Variants in DMXL1 observed in about 807,000 individuals in gnomAD.
DMXL1 encodes the protein Dmx like 1.
In DMXL1, 99 loss-of-function variants were observed where a neutral mutation model predicts 319.2. The observed-to-expected ratio is 0.31, with a 90% CI of 0.26 to 0.37. The LOEUF (loss-of-function observed/expected upper bound fraction) is 0.37. Ranked by LOEUF, DMXL1 falls within the 10% of genes least tolerant of loss-of-function variation. The pLI, the probability that DMXL1 is intolerant of heterozygous loss-of-function variation, is 1.00. For missense variants in DMXL1, 3,745 were observed against 3,595.6 expected, an observed-to-expected ratio of 1.04 and a Z score of -1.06; for synonymous variants, 1,385 against 1,235.2, an observed-to-expected ratio of 1.12 and a Z score of -2.54.
At chr5:119,076,681 C>A (rs1323616308) in intron 1 of DMXL1, among the ~76,000 whole-genome samples, 1 of 152,098 alleles carries the variant, frequency 6.6e-6, no homozygotes, top group Non-Finnish European at 1.5e-5. Context: ...AAACCTATGT[C>A]ATTTAAATAG....
Position 119,077,656 on chromosome 5 carries a change from A to G in DMXL1, c.87+6000A>G, listed in dbSNP as rs528081591. Among the ~76,000 whole-genome samples, 609 of 104,348 alleles carry G rather than the reference A, an allele frequency of 5.8e-3. 8 individuals are homozygous for G. Among genetic ancestry groups the G allele is most frequent in the African/African-American group, 0.024 (576 of 24,150 alleles). The allele number at this position is 104,348 out of a possible 152,430, so 68.5% of individuals were successfully genotyped here. On this transcript the variant is annotated intron_variant, in intron 1 of 43. Transcript: ENST00000539542. The stretch of plus-strand genomic sequence containing the variant: ...TGGCTTTTTTTTTTTTTTTTTGTAT[A>G]TGTGTGTGTGTATATATATGTGTGT...
chr5:119,119,700 G>A (rs1200693782), intron 8 of DMXL1, among the ~76,000 whole-genome samples: 1 of 151,940 alleles, frequency 6.6e-6, no homozygotes, highest in Admixed American at 6.6e-5. Flanking sequence ...AGTAGGGAGA[G>A]GGCTTTACCA....
chr5:119,176,585 C>G (rs1188033854), intron 26 of DMXL1, among the ~76,000 whole-genome samples: 1 of 151,896 alleles, frequency 6.6e-6, no homozygotes, highest in Non-Finnish European at 1.5e-5. Flanking sequence ...GCAAGGGAAA[C>G]TACAAAGGCA....
intron 1 of DMXL1, among the ~76,000 whole-genome samples, chr5:119,081,209 G>C (rs986385605): frequency 2.6e-5 from 4 of 152,148 alleles, no homozygotes; most frequent in African/African-American, 9.7e-5. Flanking sequence ...GCAAGGCAAA[G>C]AAGACAGCTG....
chr5:119,218,981 G>T (rs934901687), intron 35 of DMXL1, among the ~76,000 whole-genome samples: 34 of 152,178 alleles, frequency 2.2e-4, no homozygotes, highest in African/African-American at 8.2e-4. Flanking sequence ...TTTGAGGCAG[G>T]CAGTGGATTG....
At chr5:119,241,966 C>A (rs1352884971) in intron 42 of DMXL1, among the ~76,000 whole-genome samples, 3 of 152,118 alleles carry the variant, frequency 2.0e-5, no homozygotes, top group Non-Finnish European at 4.4e-5. Context: ...CTTATGATTT[C>A]ATACTGTATT....
At chr5:119,107,997 A>G (rs1395190948) in intron 4 of DMXL1, among the ~76,000 whole-genome samples, 2 of 152,222 alleles carry the variant, frequency 1.3e-5, no homozygotes, top group East Asian at 1.9e-4. Flanking sequence ...CTAATTAAGC[A>G]TCTTACTTGG....
intron 26 of DMXL1, 83 bp downstream of exon 26, chr5:119,175,420 T>C: frequency 1.1e-6 from 1 of 942,874 alleles, no homozygotes; most frequent in Non-Finnish European, 1.6e-6. Context: ...TTTAGAACTA[T>C]ATATAACAGT....
intron 30 of DMXL1, among the ~76,000 whole-genome samples, chr5:119,196,093 A>T (rs1779571349): frequency 6.6e-6 from 1 of 152,066 alleles, no homozygotes; most frequent in African/African-American, 2.4e-5. Flanking sequence ...ACACTTAGAG[A>T]TCCTTCTTCA....
chr5:119,112,085 C>T (rs1334112664), intron 5 of DMXL1, among the ~76,000 whole-genome samples: 1 of 152,172 alleles, frequency 6.6e-6, no homozygotes, highest in Admixed American at 6.5e-5. Flanking sequence ...CTCGGCCTCC[C>T]AAGTAGTTGG....
chr5:119,240,412 T>TTTC lies in DMXL1; in HGVS notation c.8652-6_8652-4dup. 1 of 1,597,828 alleles carries TTTC rather than the reference T, an allele frequency of 6.3e-7. No homozygotes were observed. The highest frequency in any genetic ancestry group is 8.5e-7 in the Non-Finnish European group (1 of 1,172,542). ...CACTCAGAAGTAATCTTTTTTTTTT[T>TTTC]TTCCAGAAACGTATGTTTGTGGGAT... On this transcript the variant is annotated splice_region_variant and splice_polypyrimidine_tract_variant and intron_variant, in intron 41 of 43. Coordinates refer to ENST00000539542, the MANE Select transcript of DMXL1 (RefSeq NM_001290321.3).
At chr5:119,161,513 C>T (rs761151595) in intron 19 of DMXL1, among the ~76,000 whole-genome samples, 3 of 152,202 alleles carry the variant, frequency 2.0e-5, no homozygotes, top group Non-Finnish European at 4.4e-5. Context: ...CTGAACGGAA[C>T]CTTGGTGTGA....
intron 26 of DMXL1, 78 bp from the exon 27 acceptor site, chr5:119,177,279 A>G (rs1406899562): frequency 1.1e-5 from 11 of 1,027,872 alleles, no homozygotes; most frequent in Non-Finnish European, 1.5e-5. Flanking sequence ...AAAAATTGAT[A>G]CTCTTGAAAG....
At chr5:119,160,583 A>G (rs1262120696) in intron 19 of DMXL1, among the ~76,000 whole-genome samples, 1 of 152,150 alleles carries the variant, frequency 6.6e-6, no homozygotes, top group Admixed American at 6.5e-5. Context: ...TTCTGTCTGG[A>G]TGGTCTGTCC....
At chr5:119,140,750 A>G (rs1456083018) in intron 13 of DMXL1, among the ~76,000 whole-genome samples, 4 of 152,118 alleles carry the variant, frequency 2.6e-5, no homozygotes, top group Admixed American at 2.6e-4. Flanking sequence ...TCCCCAACTA[A>G]TTTTTTGAGG....
At chr5:119,131,792 C>A (rs1764953396) in intron 10 of DMXL1, among the ~76,000 whole-genome samples, 1 of 152,152 alleles carries the variant, frequency 6.6e-6, no homozygotes, top group African/African-American at 2.4e-5. Flanking sequence ...ACCTTATATT[C>A]CTGGAGCAAA....
At chr5:119,172,581 A>G (rs1774802863) in intron 25 of DMXL1, among the ~76,000 whole-genome samples, 1 of 152,204 alleles carries the variant, frequency 6.6e-6, no homozygotes, top group African/African-American at 2.4e-5. Context: ...GCAACTAATT[A>G]TATTGTTATA....
At chr5:119,119,098 C>T (rs1358656121) in intron 8 of DMXL1, 94 bp downstream of exon 8, 1 of 777,240 alleles carries the variant, frequency 1.3e-6, no homozygotes, top group African/African-American at 1.8e-5. Flanking sequence ...AAAACTATAT[C>T]CTAGGAAAAT....
chr5:119,131,397 G>A (rs1764864386), intron 10 of DMXL1, among the ~76,000 whole-genome samples: 1 of 151,932 alleles, frequency 6.6e-6, no homozygotes, highest in Non-Finnish European at 1.5e-5. Flanking sequence ...CTGGAAATTG[G>A]CACCATAAAT....
Sources: allele counts gnomAD v4.1 joint callset (sites outside exome capture counted in the v4.1 genomes callset), GRCh38; gene constraint gnomAD v4.1.1; transcripts MANE v1.5; gene names NCBI Gene and HGNC (gene_info 2026-07-23, HGNC 2026-07-21).